Variants in CECR2 observed in about 807,000 individuals in gnomAD.
The protein encoded by CECR2 is CECR2 histone acetyl-lysine reader.
A neutral mutation model predicts 154.5 loss-of-function variants in CECR2; 30 were observed. The observed-to-expected ratio is 0.19, with a 90% confidence interval of 0.15 to 0.26. The LOEUF (loss-of-function observed/expected upper bound fraction) is 0.26, where lower values mean the gene tolerates loss of function less well. Among genes scored for constraint, CECR2 ranks in the 10% least tolerant of loss-of-function variants. The probability of loss-of-function intolerance (pLI) is 1.00; values close to 1 mark genes in which losing one functional copy is unlikely to be tolerated. For missense variants in CECR2, 1,743 were observed against 1,829.3 expected (o/e 0.95, Z 0.86); for synonymous variants, 725 against 683.7 (o/e 1.06, Z -0.94).
At chr22:17,495,425 C>T (rs1003967768) in intron 2 of CECR2, among the ~76,000 whole-genome samples, 4 of 151,752 alleles carry the variant, frequency 2.6e-5, no homozygotes, top group Non-Finnish European at 4.4e-5. Flanking sequence ...AAAAATTAGC[C>T]GGTCATGGTG....
intron 8 of CECR2, among the ~76,000 whole-genome samples, chr22:17,520,580 C>T (rs1345524502): frequency 6.6e-6 from 1 of 152,140 alleles, no homozygotes. Flanking sequence ...CCCCAGTCCC[C>T]CACCCTCTGA....
rs118004657 is a variant in CECR2, at chr22:17,500,443, A to T, written c.546-188A>T. ...AGTTAGATCTTAAGCACATTTTAGTATTGCAAAATGTTAGTTTTCCTCAGA... is the reference window on the plus strand; with the variant it reads ...AGTTAGATCTTAAGCACATTTTAGTTTTGCAAAATGTTAGTTTTCCTCAGA... On this transcript the variant is annotated intron_variant, in intron 4 of 18. Transcript: ENST00000262608. 5.7e-3 allele frequency among the ~76,000 whole-genome samples: 861 copies of T among 152,256 alleles called. 29 individuals are homozygous for T. The East Asian group carries it at 0.11, about 19-fold the overall frequency.
At chr22:17,487,125 G>A (rs1176351783) in intron 2 of CECR2, among the ~76,000 whole-genome samples, 2 of 152,124 alleles carry the variant, frequency 1.3e-5, no homozygotes, top group Non-Finnish European at 2.9e-5. Flanking sequence ...GCAGAGTTTT[G>A]ATTTGATGCT....
chr22:17,444,693 C>T (rs951500228), intron 1 of CECR2, among the ~76,000 whole-genome samples: 1 of 152,062 alleles, frequency 6.6e-6, no homozygotes. Flanking sequence ...ATTGCAATAG[C>T]GTCCTTTTCA....
rs759084488 is a variant in CECR2 at position 17,551,987 on chromosome 22, C to T, written c.4278-44C>T. On this transcript the variant is annotated intron_variant, in intron 17 of 18. Transcript: ENST00000262608. ...AGTGTCTTGTTTCTTCTGTCGTTAA[C>T]ACGTCTTCATTAATTCTTCATTGCT... 7.0e-6 allele frequency: 11 copies of T among 1,572,900 alleles called. No homozygotes were observed. In the East Asian group the frequency reaches 2.5e-4, roughly 35 times the overall value.
Position 17,552,959 on chromosome 22 carries a change from C to T in CECR2, c.*119C>T, listed in dbSNP as rs947437456. ...CACCTGCTCCACCCCTTCACGGCGACCCACTCGTGCCATACTTGAGCTGGA... is the reference window on the plus strand; with the variant it reads ...CACCTGCTCCACCCCTTCACGGCGATCCACTCGTGCCATACTTGAGCTGGA... On this transcript the variant is annotated 3_prime_UTR_variant, in exon 19 of 19. Coordinates refer to ENST00000262608, the MANE Select transcript of CECR2 (RefSeq NM_001290047.2). The T allele has an allele frequency of 1.3e-6, 2 of 1,502,102 alleles. No homozygotes were observed. Among genetic ancestry groups the T allele is most frequent in the Non-Finnish European group, 8.9e-7 (1 of 1,128,096 alleles). 93.0% of individuals were successfully genotyped at this position (1,502,102 alleles called of 1,614,324 possible).
intron 1 of CECR2, among the ~76,000 whole-genome samples, chr22:17,413,834 G>C (rs1213953963): frequency 6.7e-6 from 1 of 149,458 alleles, no homozygotes; most frequent in Admixed American, 6.7e-5. Context: ...CTGCCACCAC[G>C]GCCGGCTAAT....
rs1601207814 is a variant in CECR2, at chr22:17,548,788, C to T, written c.3501C>T (p.His1167=). 1 of 1,613,768 alleles carries T rather than the reference C, an allele frequency of 6.2e-7. No individual in the cohort carries two copies. Among genetic ancestry groups the T allele is most frequent in the Non-Finnish European group, 8.5e-7 (1 of 1,179,858 alleles). Residue 1167 remains histidine (H), a synonymous_variant, in exon 17 of 19, where the codon CAC becomes CAT. Coordinates refer to ENST00000262608, the MANE Select transcript of CECR2 (RefSeq NM_001290047.2). ...CCCCAAGGGGCTTTCAGTCTAACCA[C>T]CCACATTCTGGAGGCTTTCCCCGGT... is the stretch of plus-strand genomic sequence containing the variant. ...HFPPRGFQSN[H]PHSGGFPRYR... is the part of the protein sequence containing the mutation.
At chr22:17,549,795 T>TTG (rs1367541746) in intron 17 of CECR2, among the ~76,000 whole-genome samples, 2 of 147,922 alleles carry the variant, frequency 1.4e-5, no homozygotes, top group Admixed American at 6.8e-5. Flanking sequence ...TTTTTTTTTT[T>TTG]TTTTTTTTTT....
At chr22:17,459,657 AAG>A (rs1244735848) in intron 1 of CECR2, among the ~76,000 whole-genome samples, 1 of 152,188 alleles carries the variant, frequency 6.6e-6, no homozygotes, top group Non-Finnish European at 1.5e-5. Flanking sequence ...GAAATAGAAA[AAG>A]AGAACAATGA....
At chr22:17,545,887 G>A (rs1484315317) in intron 16 of CECR2, among the ~76,000 whole-genome samples, 3 of 151,078 alleles carry the variant, frequency 2.0e-5, no homozygotes, top group Non-Finnish European at 4.4e-5. Context: ...TAAATTGATG[G>A]TAGGGTTAGA....
rs1298471951 is a variant in CECR2 at position 17,555,040 on chromosome 22, C to T, written c.*2200C>T. ...TAACAGGAGCACTGACACTGTGGGCCTCTCCCCATGACTACCCCAGGGGCC... is the reference window on the plus strand; with the variant it reads ...TAACAGGAGCACTGACACTGTGGGCTTCTCCCCATGACTACCCCAGGGGCC... On this transcript the variant is annotated 3_prime_UTR_variant, in exon 19 of 19. Transcript: ENST00000262608. The T allele has an allele frequency of 6.6e-6, 1 of 152,264 alleles. No homozygotes were observed. The highest frequency in any genetic ancestry group is 2.4e-5 in the African/African-American group (1 of 41,472). 9.4% of individuals were successfully genotyped at this position (152,264 alleles called of 1,614,324 possible).
intron 1 of CECR2, among the ~76,000 whole-genome samples, chr22:17,461,541 G>A (rs1022028207): frequency 3.3e-5 from 5 of 152,278 alleles, no homozygotes; most frequent in African/African-American, 1.2e-4. Context: ...AACTCCTGGC[G>A]AGGAGTTTGA....
chr22:17,390,681 A>G (rs555819141), intron 1 of CECR2, among the ~76,000 whole-genome samples: 15 of 152,174 alleles, frequency 9.9e-5, no homozygotes, highest in East Asian at 1.9e-4. Context: ...TCTGTTGCCG[A>G]AAGTGGAGTG....
chr22:17,505,104 C>T, intron 7 of CECR2, 88 bp downstream of exon 7: 2 of 1,282,018 alleles, frequency 1.6e-6, no homozygotes, highest in Non-Finnish European at 2.1e-6. Flanking sequence ...TCCCCATACA[C>T]CCCACTGTCC....
At chr22:17,392,756 A>G (rs2063338984) in intron 1 of CECR2, among the ~76,000 whole-genome samples, 1 of 152,072 alleles carries the variant, frequency 6.6e-6, no homozygotes, top group Admixed American at 6.6e-5. Context: ...GTGTTCAACA[A>G]GTAGGCCGGG....
intron 10 of CECR2, among the ~76,000 whole-genome samples, chr22:17,537,945 G>C (rs556687131): frequency 1.3e-4 from 19 of 151,226 alleles, no homozygotes; most frequent in Admixed American, 1.1e-3. Flanking sequence ...AGTGAGCTGA[G>C]ATCGTGCCAC....
At chr22:17,506,722 T>TGGCCCCCCGC (rs1452738144) in intron 7 of CECR2, among the ~76,000 whole-genome samples, 9 of 152,046 alleles carry the variant, frequency 5.9e-5, no homozygotes, top group Admixed American at 3.3e-4. Context: ...GGCACAATCT[T>TGGCCCCCCGC]GGCCCCCCGC....
chr22:17,549,971 A>G (rs903464316), intron 17 of CECR2, among the ~76,000 whole-genome samples: 5 of 149,864 alleles, frequency 3.3e-5, no homozygotes, highest in African/African-American at 4.9e-5. Flanking sequence ...GATGAAGATA[A>G]CAGTTCATGG....
Sources: allele counts gnomAD v4.1 joint callset (sites outside exome capture counted in the v4.1 genomes callset), GRCh38; gene constraint gnomAD v4.1.1; transcripts MANE v1.5; gene names NCBI Gene and HGNC (gene_info 2026-07-23, HGNC 2026-07-21).